GNG12: variants seen among roughly 807,000 people sequenced by gnomAD.
GNG12 encodes the protein guanine nucleotide-binding protein G(I)/G(S)/G(O) subunit gamma-12.
For synonymous variants in GNG12, 28 were observed against 29.7 expected (o/e 0.94, Z 0.19); for missense variants, 69 against 83.8 (o/e 0.82, Z 0.69).
chr1:67,705,856 C>T (rs969991603), intron 3 of GNG12, among the ~76,000 whole-genome samples: 1 of 152,156 alleles, frequency 6.6e-6, no homozygotes, highest in African/African-American at 2.4e-5. Context: ...GGACACACCG[C>T]CAGCTAATGA....
Position 67,754,338 on chromosome 1 carries a change from T to C in GNG12, c.-27+23120A>G, listed in dbSNP as rs182081399. On this transcript the variant is annotated intron_variant, in intron 2 of 3. Coordinates refer to ENST00000370982, the MANE Select transcript of GNG12 (RefSeq NM_018841.6). The stretch of plus-strand genomic sequence containing the variant: ...CAAACCTCCGCCTATTGTTGTGGTC[T>C]CCAGCTCAGGGAGTGGCACTGTCAT... Among the ~76,000 whole-genome samples the C allele has an allele frequency of 3.4e-4, 52 of 152,250 alleles. 2 individuals carry two copies. The East Asian group carries it at 9.1e-3, about 27-fold the overall frequency.
chr1:67,755,230 A>C (rs1646561416), intron 2 of GNG12, among the ~76,000 whole-genome samples: 1 of 152,236 alleles, frequency 6.6e-6, no homozygotes, highest in Non-Finnish European at 1.5e-5. Flanking sequence ...CTGAATTACC[A>C]AACTGGAAGC....
intron 2 of GNG12, among the ~76,000 whole-genome samples, chr1:67,731,101 T>C (rs1051403843): frequency 5.9e-5 from 9 of 152,286 alleles, no homozygotes; most frequent in African/African-American, 2.2e-4. Context: ...TATTCCTATT[T>C]TGTTTTTATT....
chr1:67,732,345 T>C (rs1487717158), intron 2 of GNG12, among the ~76,000 whole-genome samples: 1 of 152,200 alleles, frequency 6.6e-6, no homozygotes, highest in Non-Finnish European at 1.5e-5. Context: ...ACCTAGAACA[T>C]GAAATCAGAA....
intron 2 of GNG12, among the ~76,000 whole-genome samples, chr1:67,747,327 C>T (rs753553157): frequency 2.6e-5 from 4 of 152,112 alleles, no homozygotes; most frequent in Non-Finnish European, 4.4e-5. Context: ...ACCATATTGG[C>T]CAGGCTGATC....
intron 1 of GNG12, among the ~76,000 whole-genome samples, chr1:67,791,664 CAATCATG>C (rs1415375625): frequency 1.3e-5 from 2 of 152,086 alleles, no homozygotes; most frequent in African/African-American, 4.8e-5. Flanking sequence ...CTCCAGAATC[CAATCATG>C]CGTTGGCATC....
chr1:67,711,038 T>G (rs1463397765), intron 2 of GNG12, among the ~76,000 whole-genome samples: 8 of 152,134 alleles, frequency 5.3e-5, no homozygotes, highest in Non-Finnish European at 1.2e-4. Flanking sequence ...CTCAGGCTCC[T>G]AACTCAATTT....
intron 2 of GNG12, among the ~76,000 whole-genome samples, chr1:67,725,876 G>T (rs1436473797): frequency 1.3e-5 from 2 of 152,050 alleles, no homozygotes; most frequent in Non-Finnish European, 2.9e-5. Flanking sequence ...CTTTAAATAG[G>T]TACAGAACTT....
In GNG12 at chr1:67,702,314, T is replaced by C. The variant is rs1646220757; in HGVS notation, c.*3137A>G. 1 of 152,146 alleles carries C rather than the reference T, an allele frequency of 6.6e-6. No individual in the cohort carries two copies. Among genetic ancestry groups the C allele is most frequent in the Admixed American group, 6.5e-5 (1 of 15,280 alleles). 9.4% of individuals were successfully genotyped at this position (152,146 alleles called of 1,614,324 possible). A position where few individuals can be genotyped will look rare whatever the true frequency, so the allele number is the denominator to read the frequency against. On this transcript the variant is annotated 3_prime_UTR_variant, in exon 4 of 4. Transcript: ENST00000370982. ...TCATTTTGGGGGCCTATATAGATCT[T>C]ACATCAAAATTCAGAGGAATTAGTC... is the stretch of plus-strand genomic sequence containing the variant.
At chr1:67,781,463 T>G (rs1308823984) in intron 1 of GNG12, among the ~76,000 whole-genome samples, 1 of 152,172 alleles carries the variant, frequency 6.6e-6, no homozygotes, top group East Asian at 1.9e-4. Flanking sequence ...ATTCTTGACT[T>G]GAGGCCTTTA....
At chr1:67,740,519 C>T (rs543149815) in intron 2 of GNG12, among the ~76,000 whole-genome samples, 11 of 152,372 alleles carry the variant, frequency 7.2e-5, no homozygotes, top group Admixed American at 5.9e-4. Context: ...AAACTATTTA[C>T]TATTTGGCCC....
chr1:67,792,010 T>C (rs1428941516), intron 1 of GNG12, among the ~76,000 whole-genome samples: 1 of 152,182 alleles, frequency 6.6e-6, no homozygotes, highest in African/African-American at 2.4e-5. Context: ...CTTAAACTTC[T>C]CACAGACACT....
intron 1 of GNG12, among the ~76,000 whole-genome samples, chr1:67,785,839 T>A (rs532494826): frequency 6.6e-6 from 1 of 152,188 alleles, no homozygotes; most frequent in Non-Finnish European, 1.5e-5. Flanking sequence ...TTTCCAACCA[T>A]GTACAAATCT....
intron 1 of GNG12, among the ~76,000 whole-genome samples, chr1:67,787,037 G>GTGTA (rs1491426908): frequency 2.3e-4 from 1 of 4,346 alleles, no homozygotes; most frequent in Non-Finnish European, 6.4e-4. Flanking sequence ...ATGTGTATAA[G>GTGTA]TGTGTGTGTG....
intron 2 of GNG12, among the ~76,000 whole-genome samples, chr1:67,764,743 G>A (rs527502001): frequency 6.6e-6 from 1 of 152,276 alleles, no homozygotes; most frequent in Admixed American, 6.5e-5. Flanking sequence ...GGTGGCTATG[G>A]CCACAAGCAA....
intron 2 of GNG12, among the ~76,000 whole-genome samples, chr1:67,767,807 G>A (rs919052317): frequency 1.3e-5 from 2 of 152,192 alleles, no homozygotes; most frequent in Non-Finnish European, 2.9e-5. Flanking sequence ...TTTCACATGT[G>A]CTACAGTTTG....
chr1:67,812,560 G>A (rs1372381343), intron 1 of GNG12, among the ~76,000 whole-genome samples: 1 of 152,142 alleles, frequency 6.6e-6, no homozygotes, highest in Admixed American at 6.5e-5. Flanking sequence ...GGTAGGAGGG[G>A]AGGAGATAAG....
chr1:67,707,545 CA>C lies in GNG12; in HGVS notation c.93+48del, dbSNP rs755408086. On this transcript the variant is annotated intron_variant, in intron 3 of 3. Transcript: ENST00000370982. ...TGACAAGTGGTCCAGCCACAAGGAACAGGGGGAACTGAGCAGAAAGCATATG... is the reference window on the plus strand; with the variant it reads ...TGACAAGTGGTCCAGCCACAAGGAACGGGGGAACTGAGCAGAAAGCATATG... 20 of 969,508 alleles carry C rather than the reference CA, an allele frequency of 2.1e-5. No homozygotes were observed. The South Asian group carries it at 2.6e-4, about 13-fold the overall frequency. The allele number at this position is 969,508 out of a possible 1,614,324, so 60.1% of individuals were successfully genotyped here.
chr1:67,736,100 CT>C (rs749892869), intron 2 of GNG12, among the ~76,000 whole-genome samples: 7 of 152,130 alleles, frequency 4.6e-5, no homozygotes, highest in Non-Finnish European at 1.0e-4. Context: ...AACAGGATGT[CT>C]TCCTGTTCCC....
Sources: gnomAD v4.1 joint callset for allele counts (sites outside exome capture counted in the v4.1 genomes callset) on GRCh38, gnomAD v4.1.1 for gene constraint, MANE v1.5 for transcripts, NCBI Gene and HGNC (gene_info 2026-07-23, HGNC 2026-07-21) for gene names.